Variants in CEP104 observed in about 807,000 individuals in gnomAD.
CEP104 encodes the protein centrosomal protein 104, also known as centrosomal protein of 104 kDa.
In CEP104, 84 loss-of-function variants were observed where a neutral mutation model predicts 113.3. That is an observed-to-expected ratio of 0.74 (90% CI 0.62 to 0.89). CEP104 has a LOEUF of 0.89. CEP104 is among the 40% of genes least tolerant of loss of function. CEP104 has a pLI of 0.00. For missense variants in CEP104, 1,053 were observed against 1,156.6 expected (o/e 0.91, Z 1.30); for synonymous variants, 378 against 421.7 (o/e 0.90, Z 1.27).
intron 1 of CEP104, among the ~76,000 whole-genome samples, chr1:3,852,682 G>A (rs969896732): frequency 2.0e-5 from 3 of 152,160 alleles, no homozygotes; most frequent in African/African-American, 7.2e-5. Flanking sequence ...TGTGGATTGT[G>A]CTCCCCAAAA....
Position 3,848,614 on chromosome 1 carries a change from C to T in CEP104, c.281G>A (p.Arg94Lys). 2 of 1,608,944 alleles carry T rather than the reference C, an allele frequency of 1.2e-6. No individual in the cohort carries two copies. The highest frequency in any genetic ancestry group is 1.7e-6 in the Non-Finnish European group (2 of 1,178,566). Residue 94 changes from arginine (R) to lysine (K), a missense_variant, in exon 3 of 22, where the codon AGA becomes AAA. Arg to Lys is a conservative substitution (Grantham distance 26). Transcript: ENST00000378230. The part of the protein sequence containing the change: ...FAPYQAERFR[R>K]LGYVSLCDNE... ...TTTTAAATTTCATTCTTACCCAAGT[C>T]TTCGAAACCGCTCTGCTTGATAGGG...
At position 3,814,589 on chromosome 1, in the gene CEP104, T is replaced by C. The variant is rs1010011868; in HGVS notation, c.*813A>G. 3 of 152,138 alleles carry C rather than the reference T, an allele frequency of 2.0e-5. No individual in the cohort carries two copies. The highest frequency in any genetic ancestry group is 4.4e-5 in the Non-Finnish European group (3 of 68,006). 9.4% of individuals were successfully genotyped at this position (152,138 alleles called of 1,614,324 possible). Reference sequence around the variant, plus strand: ...TCATTTAACAGTGACTTCCTCCACATGTCTTTAGGAATTCGAAAGTGTGGA... The same window carrying C: ...TCATTTAACAGTGACTTCCTCCACACGTCTTTAGGAATTCGAAAGTGTGGA... On this transcript the variant is annotated 3_prime_UTR_variant, in exon 22 of 22. Transcript: ENST00000378230.
intron 8 of CEP104, among the ~76,000 whole-genome samples, chr1:3,837,851 G>A (rs1451571181): frequency 6.6e-6 from 1 of 152,228 alleles, no homozygotes; most frequent in Non-Finnish European, 1.5e-5. Context: ...CGGTGGTGTG[G>A]AGAAAGCACC....
chr1:3,835,149 C>T, intron 10 of CEP104, 57 bp from the exon 11 acceptor site: 3 of 1,370,698 alleles, frequency 2.2e-6, no homozygotes, highest in South Asian at 3.2e-5. Context: ...CAACACTACA[C>T]AACTTGAAGG....
chr1:3,826,285 A>G, intron 17 of CEP104, 85 bp downstream of exon 17: 2 of 1,172,616 alleles, frequency 1.7e-6, no homozygotes, highest in South Asian at 1.2e-5. Flanking sequence ...AGGGCCAACT[A>G]GGGAGGACGC....
chr1:3,829,070 G>A (rs1644147934), intron 15 of CEP104, among the ~76,000 whole-genome samples, 196 bp downstream of exon 15: 1 of 152,204 alleles, frequency 6.6e-6, no homozygotes. Context: ...GGGGCAGGAA[G>A]AGTATCTGCC....
In CEP104 at chr1:3,819,515, G is replaced by C. The variant is rs1322734974; in HGVS notation, c.2572-3145C>G. Among the ~76,000 whole-genome samples the C allele has an allele frequency of 6.6e-6, 1 of 152,212 alleles. No individual in the cohort carries two copies. Among genetic ancestry groups the C allele is most frequent in the Admixed American group, 6.5e-5 (1 of 15,272 alleles). The stretch of plus-strand genomic sequence containing the variant: ...AATGAGTGAACAGAGGTGAATCTCA[G>C]CAGAGAAATGAAACCTGTAAAGAAA... On this transcript the variant is annotated intron_variant, in intron 20 of 21. Transcript: ENST00000378230. The surrounding 1 kb of genome is among the most constrained non-coding windows in gnomAD (Gnocchi z 4.6).
At chr1:3,845,070 C>T (rs1198331243) in intron 5 of CEP104, 87 bp from the exon 6 acceptor site, 15 of 1,225,570 alleles carry the variant, frequency 1.2e-5, no homozygotes, top group Non-Finnish European at 1.8e-5. Flanking sequence ...TCATATAAAG[C>T]TGTCAGCAAG....
In CEP104 at chr1:3,831,284, A is replaced by T; in HGVS notation, c.1660-62T>A. The T allele has an allele frequency of 2.8e-6, 4 of 1,440,958 alleles. No homozygotes were observed. The East Asian group carries it at 6.9e-5, about 25-fold the overall frequency. The allele number at this position is 1,440,958 out of a possible 1,614,324, so 89.3% of individuals were successfully genotyped here. A position where few individuals can be genotyped will look rare whatever the true frequency, so the allele number is the denominator to read the frequency against. On this transcript the variant is annotated intron_variant, in intron 12 of 21. Coordinates refer to ENST00000378230, the MANE Select transcript of CEP104 (RefSeq NM_014704.4). ...AAAATGCTGGAGGCAGTTTAGTACA[A>T]TTCAGCATGATCTTAAACTAAACAC...
chr1:3,837,361 T>A lies in CEP104; in HGVS notation c.1050A>T (p.Leu350=). The part of the protein sequence containing the change: ...FLQEKPSSYS[L]TISPQHSAVD... ...CTGCAGAATGCTGAGGAGAAATAGTTAGAGAATATGATGAAGGCTTTTCCT... is the reference window on the plus strand; with the variant it reads ...CTGCAGAATGCTGAGGAGAAATAGTAAGAGAATATGATGAAGGCTTTTCCT... Residue 350 remains leucine (L), a synonymous_variant, in exon 9 of 22, where the codon CTA becomes CTT. Coordinates refer to ENST00000378230, the MANE Select transcript of CEP104 (RefSeq NM_014704.4). 1 of 1,614,106 alleles carries A rather than the reference T, an allele frequency of 6.2e-7. No homozygotes were observed. Among genetic ancestry groups the A allele is most frequent in the Non-Finnish European group, 8.5e-7 (1 of 1,179,998 alleles).
intron 2 of CEP104, among the ~76,000 whole-genome samples, chr1:3,851,832 A>G (rs576021382): frequency 6.6e-6 from 1 of 152,320 alleles, no homozygotes; most frequent in Non-Finnish European, 1.5e-5. Flanking sequence ...TTAATAAAGT[A>G]TACGCGTGTT....
At chr1:3,841,527 T>C (rs957526113) in intron 6 of CEP104, among the ~76,000 whole-genome samples, 3 of 152,216 alleles carry the variant, frequency 2.0e-5, no homozygotes, top group Non-Finnish European at 4.4e-5. Flanking sequence ...CATTTGATTA[T>C]AAAAATCCTT....
chr1:3,843,325 TAAAA>T (rs60718273), intron 6 of CEP104: 63 of 386,428 alleles, frequency 1.6e-4, no homozygotes, highest in South Asian at 6.5e-4. Flanking sequence ...CTTACACTGC[TAAAA>T]AAAAAAAAAA....
intron 4 of CEP104, among the ~76,000 whole-genome samples, chr1:3,846,938 G>T (rs1644518857): frequency 6.6e-6 from 1 of 152,222 alleles, no homozygotes; most frequent in East Asian, 1.9e-4. Context: ...GCAGCCTGAA[G>T]CTGGAGAGAT....
chr1:3,818,811 T>G (rs1006555765), intron 20 of CEP104, among the ~76,000 whole-genome samples: 1 of 152,212 alleles, frequency 6.6e-6, no homozygotes. Context: ...CCAGAACTCT[T>G]TTCATTTTAC....
intron 6 of CEP104, among the ~76,000 whole-genome samples, chr1:3,844,628 G>A (rs1557686902): frequency 6.8e-6 from 1 of 146,334 alleles, no homozygotes; most frequent in Non-Finnish European, 1.5e-5. Flanking sequence ...AACTCAGGAG[G>A]TAGAAGTTAT....
chr1:3,849,733 A>G (rs1426130070), intron 2 of CEP104, among the ~76,000 whole-genome samples: 1 of 152,186 alleles, frequency 6.6e-6, no homozygotes, highest in Non-Finnish European at 1.5e-5. Flanking sequence ...GCTGCTTTAG[A>G]TAGTTACTGC....
intron 6 of CEP104, among the ~76,000 whole-genome samples, chr1:3,841,306 C>A (rs1308910384): frequency 1.3e-5 from 2 of 151,532 alleles, no homozygotes; most frequent in Admixed American, 6.6e-5. Flanking sequence ...CATCTCCCCA[C>A]CCTTGAGGTC....
At chr1:3,847,733 T>A in intron 3 of CEP104, 120 bp from the exon 4 acceptor site, 1 of 1,032,616 alleles carries the variant, frequency 9.7e-7, no homozygotes, top group Non-Finnish European at 1.4e-6. Context: ...AAAGCTAGAC[T>A]ACCCCTATGC....
Sources: gnomAD v4.1 joint callset for allele counts (sites outside exome capture counted in the v4.1 genomes callset) on GRCh38, gnomAD v4.1.1 for gene constraint, Gnocchi (gnomAD v3.1) non-coding constraint, MANE v1.5 for transcripts, NCBI Gene and HGNC (gene_info 2026-07-23, HGNC 2026-07-21) for gene names.